The following RCC2 variants were observed in gnomAD, a reference collection of about 807,000 sequenced individuals.
The protein encoded by RCC2 is protein RCC2.
A neutral mutation model predicts 64.1 loss-of-function variants in RCC2; 19 were observed. The observed-to-expected ratio is 0.30, with a 90% CI of 0.21 to 0.44. The LOEUF is 0.44. Among genes scored for constraint, RCC2 ranks in the 20% least tolerant of loss-of-function variants. The pLI, the probability that RCC2 is intolerant of heterozygous loss-of-function variation, is 1.00. For missense variants in RCC2, 508 were observed against 710.4 expected, an observed-to-expected ratio of 0.72 and a Z score of 3.24; for synonymous variants, 325 against 279.6, an observed-to-expected ratio of 1.16 and a Z score of -1.62.
Position 17,438,325 on chromosome 1 carries a change from C to A in RCC2, c.190G>T (p.Gly64Cys), listed in dbSNP as rs2075764812. The A allele has an allele frequency of 2.4e-6, 3 of 1,242,780 alleles. No homozygotes were observed. The South Asian group carries it at 7.9e-5, about 33-fold the overall frequency. The allele number at this position is 1,242,780 out of a possible 1,614,324, so 77.0% of individuals were successfully genotyped here. ...GGCCGCGCCGCGCGCTTGCCCCCGC[C>A]GGGGGCCCCGTCGAGCTCCAGGCCG... ...EDGLELDGAP[G>C]GGKRAARPAT... is the part of the protein sequence containing the mutation. Residue 64 changes from glycine (G) to cysteine (C), a missense_variant, in exon 2 of 13, where the codon GGC becomes TGC. By Grantham distance (159) the Gly-to-Cys change is radical (BLOSUM62 -3). Coordinates refer to ENST00000375436, the MANE Select transcript of RCC2 (RefSeq NM_018715.4).
intron 7 of RCC2, among the ~76,000 whole-genome samples, chr1:17,420,344 C>G (rs1442648610): frequency 6.6e-6 from 1 of 152,120 alleles, no homozygotes; most frequent in Admixed American, 6.5e-5. Flanking sequence ...TCCAGAACAA[C>G]GTTCATTTTC....
chr1:17,430,488 C>T (rs1312548811), intron 2 of RCC2, among the ~76,000 whole-genome samples: 1 of 128,658 alleles, frequency 7.8e-6, no homozygotes, highest in East Asian at 2.5e-4. Flanking sequence ...GGCCTTGTCT[C>T]AAAAAAAAAA....
intron 3 of RCC2, among the ~76,000 whole-genome samples, chr1:17,428,191 C>T (rs182416577): frequency 3.3e-5 from 5 of 152,328 alleles, no homozygotes; most frequent in East Asian, 1.9e-4. Context: ...TGATGCAACA[C>T]GGGCACAGGA....
intron 1 of RCC2, 175 bp from the exon 2 acceptor site, chr1:17,438,697 GCC>G (rs1168622136): frequency 3.6e-6 from 2 of 549,990 alleles, no homozygotes; most frequent in Non-Finnish European, 5.4e-6. Flanking sequence ...CCCCTCCCTG[GCC>G]CCGGCGCGGC....
chr1:17,431,333 C>CAAAAAA (rs1168877538), intron 2 of RCC2, among the ~76,000 whole-genome samples: 5 of 9,666 alleles, frequency 5.2e-4, no homozygotes, highest in Non-Finnish European at 4.1e-4. Flanking sequence ...GACTCCATCT[C>CAAAAAA]AAAAAAAAAA....
In RCC2 at chr1:17,438,339, A is replaced by G; in HGVS notation, c.176T>C (p.Leu59Pro). 1 of 1,239,346 alleles carries G rather than the reference A, an allele frequency of 8.1e-7. No individual in the cohort carries two copies. Among genetic ancestry groups the G allele is most frequent in the South Asian group, 3.1e-5 (1 of 32,390 alleles). 76.8% of individuals were successfully genotyped at this position (1,239,346 alleles called of 1,614,324 possible). ...GSSGDEDGLE[L>P]DGAPGGGKRA... is the part of the protein sequence containing the mutation. ...CTTGCCCCCGCCGGGGGCCCCGTCG[A>G]GCTCCAGGCCGTCCTCGTCGCCGCT... Residue 59 changes from leucine to proline, a missense_variant, in exon 2 of 13, where the codon CTC (leucine) becomes CCC (proline). Coordinates refer to ENST00000375436, the MANE Select transcript of RCC2 (RefSeq NM_018715.4).
Position 17,408,597 on chromosome 1 carries a change from A to G in RCC2, c.*493T>C. ...GAAGGAGTGACCCGGATGCTTCCGA[A>G]GCACGCGAGCGTGATTTTGGATGGA... On this transcript the variant is annotated 3_prime_UTR_variant, in exon 13 of 13. Coordinates refer to ENST00000375436, the MANE Select transcript of RCC2 (RefSeq NM_018715.4). 1 of 158,994 alleles carries G rather than the reference A, an allele frequency of 6.3e-6. No homozygotes were observed. The highest frequency in any genetic ancestry group is 6.2e-5 in the Admixed American group (1 of 16,232). The allele number at this position is 158,994 out of a possible 1,614,324, so 9.8% of individuals were successfully genotyped here.
chr1:17,413,393 TG>T, intron 9 of RCC2, 143 bp downstream of exon 9: 1 of 991,970 alleles, frequency 1.0e-6, no homozygotes, highest in Non-Finnish European at 1.6e-6. Context: ...GACACCGGCC[TG>T]GACAACACAA....
At chr1:17,433,386 G>C (rs867367987) in intron 2 of RCC2, among the ~76,000 whole-genome samples, 29 of 152,352 alleles carry the variant, frequency 1.9e-4, no homozygotes, top group Middle Eastern at 6.8e-3. Flanking sequence ...CCAATCGTGG[G>C]AGAGACTCCC....
At chr1:17,426,213 G>A (rs953686325) in intron 3 of RCC2, among the ~76,000 whole-genome samples, 2 of 151,912 alleles carry the variant, frequency 1.3e-5, no homozygotes, top group Non-Finnish European at 2.9e-5. Context: ...CCTTCACCCT[G>A]GGCCAGAAGG....
At chr1:17,421,262 C>T (rs773025893) in intron 6 of RCC2, among the ~76,000 whole-genome samples, 62 of 152,144 alleles carry the variant, frequency 4.1e-4, no homozygotes, top group Non-Finnish European at 7.9e-4. Context: ...TTTGGGAGGC[C>T]GAGGCAGGCA....
At position 17,413,102 on chromosome 1, in the gene RCC2, G is replaced by A. The variant is rs762356227; in HGVS notation, c.1284C>T (p.Cys428=). The A allele has an allele frequency of 1.1e-4, 170 of 1,613,874 alleles. No homozygotes were observed. Among genetic ancestry groups the A allele is most frequent in the Admixed American group, 7.7e-4 (46 of 60,004 alleles). Residue 428 remains cysteine (C), a synonymous_variant, in exon 10 of 13, where the codon TGC becomes TGT. Transcript: ENST00000375436. ...TMYPKAVQDL[C]GWRIRSLACG... is the part of the protein sequence containing the mutation. ...AAGCCAGGCTCCGGATTCTCCAGCCGCAGAGGTCCTGCACTGCTTTTGGGT... is the reference window on the plus strand; with the variant it reads ...AAGCCAGGCTCCGGATTCTCCAGCCACAGAGGTCCTGCACTGCTTTTGGGT...
Position 17,416,531 on chromosome 1 carries a change from C to T in RCC2, c.975G>A (p.Leu325=), listed in dbSNP as rs745859360. Reference sequence around the variant, plus strand: ...CTCGTACAACCACGTTTGGTACAGGCAGAATCTGTCCATCTTTCGTCTTCT... The same window carrying T: ...CTCGTACAACCACGTTTGGTACAGGTAGAATCTGTCCATCTTTCGTCTTCT... ...FIEKTKDGQI[L]PVPNVVVRDV... is the part of the protein sequence containing the mutation. The change falls in exon 8 of 13, where the codon CTG becomes CTA. Residue 325 remains leucine, a synonymous_variant. Transcript: ENST00000375436. The T allele has an allele frequency of 1.9e-6, 3 of 1,613,934 alleles. No individual in the cohort carries two copies. Among genetic ancestry groups the T allele is most frequent in the Non-Finnish European group, 2.5e-6 (3 of 1,180,038 alleles).
At position 17,408,972 on chromosome 1, in the gene RCC2, A is replaced by C; in HGVS notation, c.*118T>G. The C allele has an allele frequency of 1.2e-6, 1 of 803,830 alleles. No homozygotes were observed. Among genetic ancestry groups the C allele is most frequent in the Non-Finnish European group, 2.2e-6 (1 of 460,176 alleles). 49.8% of individuals were successfully genotyped at this position (803,830 alleles called of 1,614,324 possible). On this transcript the variant is annotated 3_prime_UTR_variant, in exon 13 of 13. Coordinates refer to ENST00000375436, the MANE Select transcript of RCC2 (RefSeq NM_018715.4). ...ACGGAACCTCAGGGAGTCTAAACAA[A>C]AATGCACCTTCGGTCAACTTTTGCT... is the stretch of plus-strand genomic sequence containing the variant.
At chr1:17,420,084 G>C (rs1250799015) in intron 7 of RCC2, among the ~76,000 whole-genome samples, 6 of 152,204 alleles carry the variant, frequency 3.9e-5, no homozygotes, top group Admixed American at 3.9e-4. Context: ...AGTGGAGGCA[G>C]AGCCACAACC....
Position 17,422,677 on chromosome 1 carries a change from GAGGAGACACC to G in RCC2, c.655+18_655+27del. 6.2e-7 allele frequency: 1 copy of G among 1,610,670 alleles called. No individual in the cohort carries two copies. Among genetic ancestry groups the G allele is most frequent in the African/African-American group, 1.3e-5 (1 of 74,932 alleles). Reference sequence around the variant, plus strand: ...ACCACCTGGCCTCTTGCCAAACTGAGAGGAGACACCAGCAGCCACCTCCTTACCCGTCAAG... The same window carrying G: ...ACCACCTGGCCTCTTGCCAAACTGAGAGCAGCCACCTCCTTACCCGTCAAG... On this transcript the variant is annotated intron_variant, in intron 5 of 12. Coordinates refer to ENST00000375436, the MANE Select transcript of RCC2 (RefSeq NM_018715.4).
chr1:17,411,450 C>G (rs940436981), intron 11 of RCC2, among the ~76,000 whole-genome samples: 1 of 152,076 alleles, frequency 6.6e-6, no homozygotes, highest in African/African-American at 2.4e-5. Flanking sequence ...GTGGCAAACG[C>G]CTAGAGTCCC....
In RCC2 at chr1:17,409,009, C is replaced by T; in HGVS notation, c.*81G>A. 9.0e-7 allele frequency: 1 copy of T among 1,111,460 alleles called. No individual in the cohort carries two copies. The highest frequency in any genetic ancestry group is 1.8e-5 in the Admixed American group (1 of 56,632). The allele number at this position is 1,111,460 out of a possible 1,614,324, so 68.8% of individuals were successfully genotyped here. On this transcript the variant is annotated 3_prime_UTR_variant, in exon 13 of 13. Transcript: ENST00000375436. ...GGTCAACTTTTGCTTTTTTAAATTCCTCGTTTGACTTCCCGTCCCAGTGCA... is the reference window on the plus strand; with the variant it reads ...GGTCAACTTTTGCTTTTTTAAATTCTTCGTTTGACTTCCCGTCCCAGTGCA...
intron 12 of RCC2, among the ~76,000 whole-genome samples, 197 bp downstream of exon 12, chr1:17,409,777 C>G (rs1228422982): frequency 6.6e-6 from 1 of 152,250 alleles, no homozygotes; most frequent in Non-Finnish European, 1.5e-5. Context: ...GCCACCCAGC[C>G]TGGCCAGCAA....
Sources: gnomAD v4.1 joint callset for allele counts (sites outside exome capture counted in the v4.1 genomes callset) on GRCh38, gnomAD v4.1.1 for gene constraint, MANE v1.5 for transcripts, NCBI Gene and HGNC (gene_info 2026-07-23, HGNC 2026-07-21) for gene names.